CALN1: variants seen among roughly 807,000 people sequenced by gnomAD.
CALN1 encodes the protein calcium-binding protein 8.
CALN1 carries 17 observed loss-of-function variants against 30.6 expected under a neutral mutation model. That is an observed-to-expected ratio of 0.56 (90% CI 0.38 to 0.83). The LOEUF (loss-of-function observed/expected upper bound fraction) is 0.83. CALN1 is among the 40% of genes least tolerant of loss of function. The pLI is 0.00. For missense variants in CALN1, 291 were observed against 354.9 expected, an observed-to-expected ratio of 0.82 and a Z score of 1.45; for synonymous variants, 156 against 131.4, an observed-to-expected ratio of 1.19 and a Z score of -1.28.
At chr7:72,252,046 T>A (rs57146191) in intron 3 of CALN1, among the ~76,000 whole-genome samples, 54,279 of 152,128 alleles carry the variant, frequency 0.36, 10,651 homozygotes, top group Middle Eastern at 0.55. Context: ...TAAATCTTAA[T>A]GCGTCCCCAA....
chr7:72,033,621 C>A (rs1330944336), intron 4 of CALN1, among the ~76,000 whole-genome samples: 1 of 152,122 alleles, frequency 6.6e-6, no homozygotes, highest in Non-Finnish European at 1.5e-5. Flanking sequence ...AGCTGAGTGG[C>A]CTGAGCAATG....
chr7:72,411,053 A>T (rs12699139), intron 1 of CALN1, among the ~76,000 whole-genome samples: 11,000 of 152,292 alleles, frequency 0.072, 441 homozygotes, highest in African/African-American at 0.095. Context: ...AAAGCATTAG[A>T]ATAAGACCAA....
chr7:72,206,373 T>C (rs966757996), intron 3 of CALN1, among the ~76,000 whole-genome samples: 9 of 152,224 alleles, frequency 5.9e-5, no homozygotes, highest in African/African-American at 2.2e-4. Context: ...CTATACATTC[T>C]AGAGCTTCTC....
chr7:71,839,928 G>T (rs1033437802), intron 5 of CALN1, among the ~76,000 whole-genome samples: 3 of 152,144 alleles, frequency 2.0e-5, no homozygotes, highest in African/African-American at 7.2e-5. Flanking sequence ...TCTATGGAGG[G>T]CTGCCCAGGT....
intron 3 of CALN1, among the ~76,000 whole-genome samples, chr7:72,254,766 T>A (rs957564210): frequency 9.2e-5 from 14 of 152,066 alleles, no homozygotes; most frequent in Non-Finnish European, 1.9e-4. Context: ...ATATTCTTTT[T>A]CTTTCCCCCC....
chr7:72,406,876 A>G (rs1159118210), intron 1 of CALN1, among the ~76,000 whole-genome samples: 3 of 152,054 alleles, frequency 2.0e-5, no homozygotes, highest in East Asian at 1.9e-4. Context: ...TCAGCCTCCC[A>G]AAGTGCTGGG....
chr7:72,333,608 A>G (rs969606309), intron 2 of CALN1, among the ~76,000 whole-genome samples: 1 of 152,022 alleles, frequency 6.6e-6, no homozygotes, highest in Non-Finnish European at 1.5e-5. Flanking sequence ...TCAATCGTGA[A>G]AGGACATTTC....
chr7:72,357,850 A>G (rs1585572131), intron 2 of CALN1, among the ~76,000 whole-genome samples: 1 of 145,070 alleles, frequency 6.9e-6, no homozygotes, highest in African/African-American at 2.6e-5. Flanking sequence ...ATATATATTT[A>G]TATTTATATA....
chr7:72,192,624 TTTTATTATTATTATTATTA>T (rs1562714769), intron 3 of CALN1, among the ~76,000 whole-genome samples: 1 of 104,026 alleles, frequency 9.6e-6, no homozygotes, highest in Non-Finnish European at 1.9e-5. Flanking sequence ...ATCCCATTTC[TTTTATTATTATTATTATTA>T]TTATTATTAT....
chr7:71,848,033 A>G (rs1790422495), intron 5 of CALN1, among the ~76,000 whole-genome samples: 1 of 152,208 alleles, frequency 6.6e-6, no homozygotes, highest in Non-Finnish European at 1.5e-5. Flanking sequence ...ACACCTGAAC[A>G]GAAATACCCG....
chr7:72,266,248 C>T (rs1796589157), intron 3 of CALN1, among the ~76,000 whole-genome samples: 1 of 152,086 alleles, frequency 6.6e-6, no homozygotes, highest in Non-Finnish European at 1.5e-5. Context: ...CTTACTATTA[C>T]TAGAAGAAGT....
intron 5 of CALN1, among the ~76,000 whole-genome samples, chr7:71,840,759 A>AT (rs1352907923): frequency 1.3e-5 from 2 of 152,172 alleles, no homozygotes; most frequent in Non-Finnish European, 2.9e-5. Context: ...CACTTATGAA[A>AT]TTTTTTTGTT....
At chr7:72,118,807 G>A (rs529353041) in intron 3 of CALN1, among the ~76,000 whole-genome samples, 16 of 152,280 alleles carry the variant, frequency 1.1e-4, no homozygotes, top group Middle Eastern at 3.4e-3. Context: ...AAGGGATCTC[G>A]CATTGCTGGA....
At chr7:72,319,702 T>C (rs1442477856) in intron 2 of CALN1, among the ~76,000 whole-genome samples, 5 of 152,206 alleles carry the variant, frequency 3.3e-5, no homozygotes, top group African/African-American at 4.8e-5. Flanking sequence ...CAAATACATA[T>C]ATTTTTTAAT....
intron 5 of CALN1, among the ~76,000 whole-genome samples, chr7:71,952,115 G>A (rs1796722831): frequency 6.6e-6 from 1 of 152,192 alleles, no homozygotes; most frequent in Non-Finnish European, 1.5e-5. Context: ...TATGAAAAAT[G>A]AAGAGTCTGC....
intron 5 of CALN1, among the ~76,000 whole-genome samples, chr7:71,829,896 G>A (rs556081391): frequency 1.3e-5 from 2 of 152,312 alleles, no homozygotes; most frequent in Admixed American, 6.5e-5. Context: ...GTTCTCAAGT[G>A]GTTCATTTTA....
At chr7:72,007,749 T>C (rs932227687) in intron 5 of CALN1, among the ~76,000 whole-genome samples, 2 of 152,134 alleles carry the variant, frequency 1.3e-5, no homozygotes, top group African/African-American at 4.8e-5. Flanking sequence ...TAAAAAACAA[T>C]AGAGATGGGG....
At chr7:72,015,357 G>A (rs533089888) in intron 5 of CALN1, among the ~76,000 whole-genome samples, 17 of 152,230 alleles carry the variant, frequency 1.1e-4, no homozygotes, top group African/African-American at 4.1e-4. Flanking sequence ...CATAGGCCTG[G>A]AGTTTCTGAT....
intron 3 of CALN1, among the ~76,000 whole-genome samples, chr7:72,253,281 T>C (rs1795689195): frequency 6.6e-6 from 1 of 152,268 alleles, no homozygotes; most frequent in Non-Finnish European, 1.5e-5. Context: ...GTTATGAGTT[T>C]ATTTCTCATT....
Sources: allele counts gnomAD v4.1 joint callset (sites outside exome capture counted in the v4.1 genomes callset), GRCh38; gene constraint gnomAD v4.1.1; transcripts MANE v1.5; gene names NCBI Gene and HGNC (gene_info 2026-07-23, HGNC 2026-07-21).